Variants in TUBGCP5 observed in about 807,000 individuals in gnomAD.
TUBGCP5 encodes gamma-tubulin complex component 5.
In TUBGCP5, 98 loss-of-function variants were observed where a neutral mutation model predicts 134.7. That is an observed-to-expected ratio of 0.73 (90% confidence interval 0.62 to 0.86). The LOEUF (loss-of-function observed/expected upper bound fraction) is 0.86, where lower values mean the gene tolerates loss of function less well. TUBGCP5 is among the 40% of genes least tolerant of loss of function. The pLI is 0.00. For missense variants in TUBGCP5, 1,150 were observed against 1,244.8 expected (o/e 0.92, Z 1.15); for synonymous variants, 456 against 431.4 (o/e 1.06, Z -0.71).
rs2064249242 is a variant in TUBGCP5 at position 22,999,555 on chromosome 15, C to T, written c.*265G>A. On this transcript the variant is annotated 3_prime_UTR_variant, in exon 23 of 23. Transcript: ENST00000615383. Reference sequence around the variant, plus strand: ...AGCTGGGACTACAGGTACACACCACCATGTCTGGATACATTTTGTATTTTT... The same window carrying T: ...AGCTGGGACTACAGGTACACACCACTATGTCTGGATACATTTTGTATTTTT... 4.4e-6 allele frequency: 2 copies of T among 449,654 alleles called. No individual in the cohort carries two copies. The highest frequency in any genetic ancestry group is 8.2e-6 in the Non-Finnish European group (2 of 243,634). The allele number at this position is 449,654 out of a possible 1,614,324, so 27.9% of individuals were successfully genotyped here. A position where few individuals can be genotyped will look rare whatever the true frequency, so the allele number is the denominator to read the frequency against.
chr15:22,991,897 G>A (rs1259984876), intron 23 of TUBGCP5, among the ~76,000 whole-genome samples: 1 of 152,064 alleles, frequency 6.6e-6, no homozygotes, highest in Admixed American at 6.5e-5. Flanking sequence ...TTTCTTCCAG[G>A]CAAGGCATAT....
chr15:23,020,844 T>C (rs1030909593), intron 11 of TUBGCP5, among the ~76,000 whole-genome samples: 1 of 152,096 alleles, frequency 6.6e-6, no homozygotes, highest in African/African-American at 2.4e-5. Flanking sequence ...ACTCAAGCCA[T>C]CTTCCTGCCT....
At position 23,039,476 on chromosome 15, in the gene TUBGCP5, A is replaced by G; in HGVS notation, c.68T>C (p.Val23Ala). The change falls in exon 1 of 23, where the codon GTC becomes GCC. Residue 23 changes from valine to alanine, a missense_variant. Physicochemically the swap from Val to Ala is moderately conservative, Grantham distance 64 (BLOSUM62 0). Around this residue, in one of 2 missense-constraint regions of TUBGCP5, gnomAD observed 453 missense variants for 394.7 expected, o/e 1.15. Coordinates refer to ENST00000615383, the MANE Select transcript of TUBGCP5 (RefSeq NM_052903.6). Reference sequence around the variant, plus strand: ...GTCCTGGAGGCCGGCGACACCCCGGACGAGCTCCCGCACGTCGCGCTCCTG... The same window carrying G: ...GTCCTGGAGGCCGGCGACACCCCGGGCGAGCTCCCGCACGTCGCGCTCCTG... ...AQQERDVREL[V>A]RGVAGLQDEA... The G allele has an allele frequency of 6.5e-7, 1 of 1,532,750 alleles. No homozygotes were observed. Among genetic ancestry groups the G allele is most frequent in the Non-Finnish European group, 8.8e-7 (1 of 1,136,326 alleles). 94.9% of individuals were successfully genotyped at this position (1,532,750 alleles called of 1,614,324 possible). A position where few individuals can be genotyped will look rare whatever the true frequency, so the allele number is the denominator to read the frequency against.
chr15:23,010,998 A>G, intron 14 of TUBGCP5, 135 bp downstream of exon 14: 1 of 851,190 alleles, frequency 1.2e-6, no homozygotes, highest in Non-Finnish European at 1.8e-6. Flanking sequence ...CAAAAAAAAA[A>G]AAGGAAAAAG....
chr15:23,009,444 A>G (rs1229019141), intron 15 of TUBGCP5, among the ~76,000 whole-genome samples: 1 of 151,718 alleles, frequency 6.6e-6, no homozygotes, highest in Non-Finnish European at 1.5e-5. Flanking sequence ...AATTTTTTGT[A>G]TTTTTAGTAG....
intron 6 of TUBGCP5, among the ~76,000 whole-genome samples, chr15:23,029,965 C>T (rs774756854): frequency 6.6e-5 from 10 of 152,080 alleles, no homozygotes; most frequent in Non-Finnish European, 1.5e-4. Flanking sequence ...GACGCAGAGG[C>T]GGAGTAATTG....
intron 16 of TUBGCP5, among the ~76,000 whole-genome samples, chr15:23,008,051 C>G (rs572270489): frequency 1.3e-5 from 2 of 152,142 alleles, no homozygotes; most frequent in South Asian, 2.1e-4. Flanking sequence ...CAGACCCTGA[C>G]AGGTCGTATG....
intron 6 of TUBGCP5, among the ~76,000 whole-genome samples, chr15:23,028,149 G>A (rs1017180324): frequency 4.0e-5 from 6 of 151,750 alleles, no homozygotes; most frequent in Non-Finnish European, 7.4e-5. Flanking sequence ...AACCTGTTGG[G>A]CTCGGTGGCT....
At chr15:23,027,782 T>A (rs951651096) in intron 6 of TUBGCP5, among the ~76,000 whole-genome samples, 2 of 147,480 alleles carry the variant, frequency 1.4e-5, no homozygotes, top group Admixed American at 6.8e-5. Flanking sequence ...ACCACACATA[T>A]AGAAACGCAT....
downstream of TUBGCP5, among the ~76,000 whole-genome samples, chr15:22,997,866 T>C (rs571060636): frequency 5.9e-5 from 9 of 151,570 alleles, no homozygotes; most frequent in African/African-American, 1.9e-4. Flanking sequence ...TCCACCCACC[T>C]TGGCTTCCCA....
intron 6 of TUBGCP5, among the ~76,000 whole-genome samples, chr15:23,027,972 T>A (rs1271366585): frequency 6.6e-6 from 1 of 152,102 alleles, no homozygotes; most frequent in Non-Finnish European, 1.5e-5. Flanking sequence ...TTTTGAAGGA[T>A]TAGATAACCT....
chr15:23,029,894 G>T (rs895763609), intron 6 of TUBGCP5, among the ~76,000 whole-genome samples: 12 of 134,752 alleles, frequency 8.9e-5, no homozygotes, highest in Non-Finnish European at 1.5e-4. Flanking sequence ...AAAAGGGGGT[G>T]GGGGGGAAGA....
Position 23,026,101 on chromosome 15 carries a change from A to G in TUBGCP5, c.827+15T>C, listed in dbSNP as rs768216067. 4.4e-6 allele frequency: 7 copies of G among 1,588,750 alleles called. No individual in the cohort carries two copies. The highest frequency in any genetic ancestry group is 1.7e-4 in the Middle Eastern group (1 of 5,998). On this transcript the variant is annotated intron_variant, in intron 8 of 22. Coordinates refer to ENST00000615383, the MANE Select transcript of TUBGCP5 (RefSeq NM_052903.6). ...AAGTCTCATAAAGACTATTAATTAAATGAACATTTCTTACCATAGGGTTTC... is the reference window on the plus strand; with the variant it reads ...AAGTCTCATAAAGACTATTAATTAAGTGAACATTTCTTACCATAGGGTTTC...
At chr15:23,037,031 G>C in intron 2 of TUBGCP5, 26 bp from the exon 3 acceptor site, 1 of 1,592,926 alleles carries the variant, frequency 6.3e-7, no homozygotes, top group Non-Finnish European at 8.6e-7. Context: ...AGATTATAAA[G>C]CTATCTTAAA....
intron 3 of TUBGCP5, among the ~76,000 whole-genome samples, chr15:23,035,481 G>C (rs1213411813): frequency 2.6e-5 from 4 of 152,000 alleles, no homozygotes; most frequent in African/African-American, 9.7e-5. Context: ...TTCCACCTCA[G>C]ATCATTAGGC....
chr15:22,988,495 A>G lies in TUBGCP5; in HGVS notation c.*62-4884T>C, dbSNP rs1036117636. Among the ~76,000 whole-genome samples, 71 of 151,732 alleles carry G rather than the reference A, an allele frequency of 4.7e-4. 5 individuals are homozygous for G. The highest frequency in any genetic ancestry group is 2.0e-4 in the East Asian group (1 of 5,082). On this transcript the variant is annotated intron_variant and NMD_transcript_variant, in intron 23 of 23. Transcript: ENST00000614508. ...AAGCCTGTAATCCCAGCACTTTGGG[A>G]GGCCAAGGCGGGCGTATCACGAGGT...
At chr15:22,996,301 G>A (rs575692181), downstream of TUBGCP5, among the ~76,000 whole-genome samples, 8 of 152,036 alleles carry the variant, frequency 5.3e-5, no homozygotes, top group East Asian at 1.9e-4. Context: ...GTGCTCGTGC[G>A]GTTTAATTGG....
chr15:23,027,305 A>T lies in TUBGCP5; in HGVS notation c.624T>A (p.Asp208Glu). Residue 208 changes from aspartate (D) to glutamate (E), a missense_variant and splice_region_variant, in exon 7 of 23, where the codon GAT (aspartate) becomes GAA (glutamate). Transcript: ENST00000615383. ...RKLDPCISWKDEPDDRSWLEH... is the reference protein window; with the variant it reads ...RKLDPCISWKEEPDDRSWLEH... ...CCAGCCAGCTTCGGTCATCTGGCTC[A>T]TCTGCTTGAAAGAAATGTAATCAGT... 1 of 1,612,616 alleles carries T rather than the reference A, an allele frequency of 6.2e-7. No homozygotes were observed. Among genetic ancestry groups the T allele is most frequent in the African/African-American group, 1.3e-5 (1 of 74,990 alleles).
chr15:23,028,921 C>T (rs908514633), intron 6 of TUBGCP5, among the ~76,000 whole-genome samples: 25 of 152,148 alleles, frequency 1.6e-4, no homozygotes, highest in Admixed American at 6.5e-4. Flanking sequence ...AATGAATCAA[C>T]AAACTATTAT....
Sources: gnomAD v4.1 joint callset for allele counts (sites outside exome capture counted in the v4.1 genomes callset) on GRCh38, gnomAD v4.1.1 for gene constraint, gnomAD v4.1.1 regional missense constraint, MANE v1.5 for transcripts, NCBI Gene and HGNC (gene_info 2026-07-23, HGNC 2026-07-21) for gene names.